TUBGCP5: variants seen among roughly 807,000 people sequenced by gnomAD.
TUBGCP5 encodes the protein gamma-tubulin complex component 5.
Under a neutral mutation model 134.7 loss-of-function variants are expected in TUBGCP5, and 98 were observed. The ratio of observed to expected loss-of-function variants is 0.73; its 90% CI spans 0.62 to 0.86. The LOEUF (loss-of-function observed/expected upper bound fraction) is 0.86. Among genes scored for constraint, TUBGCP5 ranks in the 40% least tolerant of loss-of-function variants. The pLI is 0.00. For synonymous variants in TUBGCP5, 456 were observed against 431.4 expected (o/e 1.06, Z -0.71); for missense variants, 1,150 against 1,244.8 (o/e 0.92, Z 1.15).
At chr15:23,005,955 T>TTTCCAGATCCCCG in intron 18 of TUBGCP5, 97 bp downstream of exon 18, 2 of 1,337,250 alleles carry the variant, frequency 1.5e-6, no homozygotes, top group Non-Finnish European at 2.0e-6. Context: ...TTTTTTTTTT[T>TTTCCAGATCCCCG]TCCAGATCCC....
In TUBGCP5 at chr15:23,039,355, C is replaced by T. The variant is rs368593119; in HGVS notation, c.146+43G>A. ...GCTGTGCGGGACCCACGCGCGGGCT[C>T]CGGGCTGTGGCCGGGAACCCGCCCG... On this transcript the variant is annotated intron_variant, in intron 1 of 22. Transcript: ENST00000615383. The T allele has an allele frequency of 7.1e-5, 96 of 1,350,766 alleles. No individual in the cohort carries two copies. The African/African-American group carries it at 1.4e-3, about 20-fold the overall frequency. 83.7% of individuals were successfully genotyped at this position (1,350,766 alleles called of 1,614,324 possible).
downstream of TUBGCP5, chr15:22,997,081 C>A: frequency 6.6e-6 from 1 of 152,284 alleles, no homozygotes. Context: ...GACATGGTTC[C>A]TGAAAGGGGC....
chr15:23,006,847 C>G (rs902436147), intron 16 of TUBGCP5, among the ~76,000 whole-genome samples: 3 of 152,096 alleles, frequency 2.0e-5, no homozygotes, highest in Non-Finnish European at 4.4e-5. Flanking sequence ...ATGTGACTCA[C>G]AGAGGAAAGC....
chr15:23,030,798 G>A, intron 6 of TUBGCP5, 87 bp downstream of exon 6: 3 of 1,509,176 alleles, frequency 2.0e-6, no homozygotes, highest in Non-Finnish European at 2.7e-6. Flanking sequence ...CCAATACCTT[G>A]ATTACATGGA....
At chr15:22,987,199 TG>T (rs2063704152) in intron 23 of TUBGCP5, among the ~76,000 whole-genome samples, 1 of 151,966 alleles carries the variant, frequency 6.6e-6, no homozygotes, top group South Asian at 2.1e-4. Flanking sequence ...CCGGGCGTGG[TG>T]GAACATGCCT....
At chr15:22,985,179 T>C (rs1448375928) in intron 23 of TUBGCP5, among the ~76,000 whole-genome samples, 2 of 152,074 alleles carry the variant, frequency 1.3e-5, no homozygotes, top group African/African-American at 4.8e-5. Flanking sequence ...CAAATTAATC[T>C]CTGCACAAAA....
intron 3 of TUBGCP5, among the ~76,000 whole-genome samples, chr15:23,034,710 T>C (rs142071168): frequency 0.037 from 5,635 of 151,594 alleles, 352 homozygotes; most frequent in African/African-American, 0.13. Context: ...AATACAAAAA[T>C]TAGCCGGGCG....
At chr15:23,038,683 T>C (rs59202072) in intron 1 of TUBGCP5, among the ~76,000 whole-genome samples, 25,970 of 152,164 alleles carry the variant, frequency 0.17, 3,128 homozygotes, top group East Asian at 0.46. Context: ...CATTAACATT[T>C]TTTTAGTAAT....
chr15:23,033,332 C>T (rs903701446), intron 3 of TUBGCP5, among the ~76,000 whole-genome samples: 3 of 151,880 alleles, frequency 2.0e-5, no homozygotes, highest in Non-Finnish European at 4.4e-5. Flanking sequence ...GGCTGGAGTG[C>T]AATAGTGCAA....
chr15:23,008,273 TTC>T (rs1310513088), intron 16 of TUBGCP5, among the ~76,000 whole-genome samples: 1 of 152,088 alleles, frequency 6.6e-6, no homozygotes, highest in Non-Finnish European at 1.5e-5. Flanking sequence ...CCTCAATTTT[TTC>T]TTTTTTTTTA....
At chr15:22,988,684 C>T (rs372188799) in intron 23 of TUBGCP5, among the ~76,000 whole-genome samples, 4,591 of 148,094 alleles carry the variant, frequency 0.031, 225 homozygotes, top group African/African-American at 0.1. Context: ...TGCAGTGAGC[C>T]GAGATCGCGT....
intron 23 of TUBGCP5, among the ~76,000 whole-genome samples, chr15:22,992,905 T>C (rs1390565707): frequency 5.9e-5 from 9 of 151,952 alleles, no homozygotes; most frequent in Admixed American, 5.2e-4. Context: ...CTGCTGGGTA[T>C]AGTAAAATGT....
chr15:23,023,713 G>T lies in TUBGCP5; in HGVS notation c.1168+234C>A, dbSNP rs1160144096. ...CTGGAGAGGAGAACTGACTGGCTGG[G>T]GTACTGGTGCAGGAAGAATAATTTA... is the stretch of plus-strand genomic sequence containing the variant. On this transcript the variant is annotated intron_variant, in intron 10 of 22. Transcript: ENST00000615383. The T allele has an allele frequency of 1.6e-5, 6 of 378,510 alleles. No homozygotes were observed. In the East Asian group the frequency reaches 3.4e-4, roughly 22 times the overall value. 23.4% of individuals were successfully genotyped at this position (378,510 alleles called of 1,614,324 possible).
At chr15:23,005,927 G>A in intron 18 of TUBGCP5, 125 bp downstream of exon 18, 1 of 1,069,684 alleles carries the variant, frequency 9.3e-7, no homozygotes, top group African/African-American at 1.9e-5. Flanking sequence ...CATAAAAAAT[G>A]ATCAACAACC....
At chr15:23,009,242 G>GT (rs2064896046) in intron 15 of TUBGCP5, among the ~76,000 whole-genome samples, 2 of 151,104 alleles carry the variant, frequency 1.3e-5, no homozygotes, top group Admixed American at 1.3e-4. Context: ...AGTTCCTACC[G>GT]TATTATATCT....
chr15:23,034,943 TACTA>T (rs1369960177), intron 3 of TUBGCP5, among the ~76,000 whole-genome samples: 1 of 151,848 alleles, frequency 6.6e-6, no homozygotes, highest in Admixed American at 6.6e-5. Context: ...TCTCTAGACA[TACTA>T]ACCACAAAAA....
At chr15:23,034,278 T>C (rs1293846036) in intron 3 of TUBGCP5, among the ~76,000 whole-genome samples, 2 of 152,070 alleles carry the variant, frequency 1.3e-5, no homozygotes, top group African/African-American at 2.4e-5. Flanking sequence ...GGTGTCCAGG[T>C]AGACAACACT....
At chr15:23,008,570 T>C in intron 16 of TUBGCP5, 129 bp downstream of exon 16, 1 of 1,216,394 alleles carries the variant, frequency 8.2e-7, no homozygotes, top group Non-Finnish European at 1.2e-6. Context: ...CATTTTCTAA[T>C]AAGTAAAATA....
intron 3 of TUBGCP5, among the ~76,000 whole-genome samples, chr15:23,034,067 G>C (rs1453393600): frequency 6.6e-6 from 1 of 152,184 alleles, no homozygotes; most frequent in Non-Finnish European, 1.5e-5. Flanking sequence ...TGAAATATCT[G>C]AACTGGCAAA....
Sources: gnomAD v4.1 joint callset for allele counts (sites outside exome capture counted in the v4.1 genomes callset) on GRCh38, gnomAD v4.1.1 for gene constraint, MANE v1.5 for transcripts, NCBI Gene and HGNC (gene_info 2026-07-23, HGNC 2026-07-21) for gene names.